The following CLNK variants were observed in gnomAD, a reference collection of about 807,000 sequenced individuals.
CLNK encodes the protein cytokine-dependent hematopoietic cell linker.
A neutral mutation model predicts 68.6 loss-of-function variants in CLNK; 74 were observed. The observed-to-expected ratio is 1.08, with a 90% CI of 0.89 to 1.31. The LOEUF is 1.31. Among genes scored for constraint, CLNK ranks in the 50% most tolerant of loss-of-function variants. CLNK has a pLI of 0.00. For synonymous variants in CLNK, 198 were observed against 172.2 expected (o/e 1.15, Z -1.17); for missense variants, 553 against 515.3 (o/e 1.07, Z -0.71).
intron 2 of CLNK, among the ~76,000 whole-genome samples, chr4:10,607,517 G>A (rs1414210500): frequency 6.6e-6 from 1 of 152,212 alleles, no homozygotes; most frequent in African/African-American, 2.4e-5. Context: ...ATCCTATAAA[G>A]TACAGTATCT....
intron 14 of CLNK, among the ~76,000 whole-genome samples, chr4:10,523,463 TAA>T (rs934480487): frequency 2.0e-5 from 3 of 152,050 alleles, no homozygotes; most frequent in African/African-American, 7.2e-5. Flanking sequence ...TTAGAGATAG[TAA>T]AGAGACCTTG....
At chr4:10,725,511 C>G in the CLNK span, among the ~76,000 whole-genome samples, 1 of 152,128 alleles carries the variant, frequency 6.6e-6, no homozygotes. Context: ...GACTACCCCC[C>G]CATAAATCCA....
At chr4:10,520,393 A>G (rs1237502857) in intron 15 of CLNK, among the ~76,000 whole-genome samples, 1 of 152,186 alleles carries the variant, frequency 6.6e-6, no homozygotes, top group Non-Finnish European at 1.5e-5. Flanking sequence ...ACTGTTGGAG[A>G]GGATGGGGAA....
chr4:10,493,660 G>T (rs756638494), intron 18 of CLNK, among the ~76,000 whole-genome samples: 2 of 151,988 alleles, frequency 1.3e-5, no homozygotes, highest in African/African-American at 4.8e-5. Flanking sequence ...CCCATATTAC[G>T]TATACAATAA....
the CLNK span, among the ~76,000 whole-genome samples, chr4:10,731,369 C>T: frequency 3.3e-5 from 5 of 152,194 alleles, no homozygotes; most frequent in Admixed American, 2.6e-4. Context: ...GTTCGGGGCT[C>T]CCAGTCCTCC....
intron 17 of CLNK, among the ~76,000 whole-genome samples, chr4:10,507,288 T>G (rs904121786): frequency 2.6e-5 from 4 of 151,600 alleles, no homozygotes; most frequent in Non-Finnish European, 5.9e-5. Flanking sequence ...ATTTTTGTAT[T>G]TTTAGTAGAG....
the CLNK span, among the ~76,000 whole-genome samples, chr4:10,717,678 T>C: frequency 6.6e-6 from 1 of 152,188 alleles, no homozygotes; most frequent in Non-Finnish European, 1.5e-5. Context: ...AATCTGGACT[T>C]CAATACCCAC....
At chr4:10,554,594 G>A (rs1382221746) in intron 8 of CLNK, among the ~76,000 whole-genome samples, 1 of 152,164 alleles carries the variant, frequency 6.6e-6, no homozygotes, top group Admixed American at 6.6e-5. Context: ...ATTTCATGAA[G>A]TTAATAACGT....
rs368743760 is a variant in CLNK at position 10,565,992 on chromosome 4, A to G, written c.292+17T>C. 2 of 1,611,648 alleles carry G rather than the reference A, an allele frequency of 1.2e-6. No individual in the cohort carries two copies. Among genetic ancestry groups the G allele is most frequent in the African/African-American group, 2.7e-5 (2 of 74,894 alleles). ...GTACATGCATCTTCTTATTTCAGGC[A>G]GACCCCCAAACGTTACCTGCATATT... On this transcript the variant is annotated intron_variant, in intron 6 of 18. Transcript: ENST00000226951.
At chr4:10,540,202 A>T (rs1180048050) in intron 11 of CLNK, among the ~76,000 whole-genome samples, 1 of 152,076 alleles carries the variant, frequency 6.6e-6, no homozygotes, top group Non-Finnish European at 1.5e-5. Flanking sequence ...GCTCTTCGCC[A>T]TTTGCTTTGG....
Position 10,501,323 on chromosome 4 carries a change from T to C in CLNK, c.1073A>G (p.Asn358Ser), listed in dbSNP as rs750035816. 5.6e-6 allele frequency: 9 copies of C among 1,609,552 alleles called. No homozygotes were observed. The highest frequency in any genetic ancestry group is 4.5e-5 in the East Asian group (2 of 44,712). Residue 358 changes from asparagine to serine, a missense_variant, in exon 18 of 19, where the codon AAT (asparagine) becomes AGT (serine). Coordinates refer to ENST00000226951, the MANE Select transcript of CLNK (RefSeq NM_052964.4). ...CCTCTCCAGGAAGCGTATTTTTACA[T>C]TGTAGACTTTGTTCTCATAAAACAC... Reference protein sequence around the residue: ...LAVFYENKVYNVKIRFLERNQ... With the variant: ...LAVFYENKVYSVKIRFLERNQ...
At chr4:10,723,665 C>T in the CLNK span, among the ~76,000 whole-genome samples, 3 of 152,148 alleles carry the variant, frequency 2.0e-5, no homozygotes, top group South Asian at 6.3e-4. Flanking sequence ...TCATTGAGAC[C>T]CTTGTGCGGT....
chr4:10,724,183 A>G, the CLNK span, among the ~76,000 whole-genome samples: 1 of 152,176 alleles, frequency 6.6e-6, no homozygotes, highest in Non-Finnish European at 1.5e-5. Context: ...ATACAAATAT[A>G]ATGTATGTAT....
chr4:10,562,373 G>C (rs1422470381), intron 7 of CLNK, among the ~76,000 whole-genome samples: 2 of 151,944 alleles, frequency 1.3e-5, no homozygotes, highest in Non-Finnish European at 2.9e-5. Context: ...AAATGGAAGT[G>C]ATGATGTTCA....
At chr4:10,558,136 C>G (rs1163796606) in intron 8 of CLNK, among the ~76,000 whole-genome samples, 1 of 152,108 alleles carries the variant, frequency 6.6e-6, no homozygotes, top group Non-Finnish European at 1.5e-5. Context: ...TTAATGCAAT[C>G]CATATGTTTC....
rs75642790 is a variant in CLNK, at chr4:10,557,466, G to A, written c.445+941C>T. 9.5e-3 allele frequency among the ~76,000 whole-genome samples: 1,438 copies of A among 152,160 alleles called. 27 individuals carry two copies. Among genetic ancestry groups the A allele is most frequent in the African/African-American group, 0.033 (1,360 of 41,494 alleles). ...AGTCTGCCTGGGCTAGTGGTGTCCC[G>A]GGACCAGTGATCACTGCTCCTCTCC... On this transcript the variant is annotated intron_variant, in intron 8 of 18. Transcript: ENST00000226951.
intron 3 of CLNK, among the ~76,000 whole-genome samples, chr4:10,594,564 G>T (rs1721316735): frequency 6.6e-6 from 1 of 152,202 alleles, no homozygotes; most frequent in African/African-American, 2.4e-5. Context: ...TGAAGCTGCT[G>T]GTCCCAGGCC....
In CLNK at chr4:10,509,105, C is replaced by CAAAA. The variant is rs35503820; in HGVS notation, c.907-1073_907-1070dup. ...CTGGTGACAGAGTGAGACTCGGTCTCAAAAAAAAAAAAAAAAAAAGGAAGT... is the reference window on the plus strand; with the variant it reads ...CTGGTGACAGAGTGAGACTCGGTCTCAAAAAAAAAAAAAAAAAAAAAAAGGAAGT... On this transcript the variant is annotated intron_variant, in intron 16 of 18. Transcript: ENST00000226951. Among the ~76,000 whole-genome samples the CAAAA allele has an allele frequency of 4.6e-3, 488 of 105,346 alleles. 14 individuals are homozygous for CAAAA. Among genetic ancestry groups the CAAAA allele is most frequent in the African/African-American group, 0.017 (443 of 26,034 alleles). 69.1% of individuals were successfully genotyped at this position (105,346 alleles called of 152,430 possible). A position where few individuals can be genotyped will look rare whatever the true frequency, so the allele number is the denominator to read the frequency against.
chr4:10,625,875 C>T lies in CLNK; in HGVS notation c.12-27826G>A, dbSNP rs1001640576. ...CCAATGTAGCTCAAGGCTGAGGGTT[C>T]TCATATGGGGAAGGAATTCTCTAGA... On this transcript the variant is annotated intron_variant, in intron 2 of 18. Coordinates refer to ENST00000226951, the MANE Select transcript of CLNK (RefSeq NM_052964.4). 7.2e-5 allele frequency among the ~76,000 whole-genome samples: 11 copies of T among 152,290 alleles called. No individual in the cohort carries two copies. In the East Asian group the frequency reaches 2.1e-3, roughly 29 times the overall value.
Sources: gnomAD v4.1 joint callset for allele counts (sites outside exome capture counted in the v4.1 genomes callset) on GRCh38, gnomAD v4.1.1 for gene constraint, MANE v1.5 for transcripts, NCBI Gene and HGNC (gene_info 2026-07-23, HGNC 2026-07-21) for gene names.